Variants in SPATS2L observed in about 807,000 individuals in gnomAD.
SPATS2L encodes spermatogenesis associated serine rich 2 like, also known as SPATS2-like protein.
In SPATS2L, 30 loss-of-function variants were observed where a neutral mutation model predicts 59.6. The observed-to-expected ratio is 0.50, with a 90% confidence interval of 0.38 to 0.68. SPATS2L has a LOEUF of 0.68. Ranked by LOEUF, SPATS2L falls within the 30% of genes least tolerant of loss-of-function variation. The pLI is 0.00. For missense variants in SPATS2L, 615 were observed against 700.0 expected (o/e 0.88, Z 1.37); for synonymous variants, 252 against 263.5 (o/e 0.96, Z 0.42).
chr2:200,370,379 G>A (rs1009313576), intron 2 of SPATS2L, among the ~76,000 whole-genome samples: 6 of 152,188 alleles, frequency 3.9e-5, no homozygotes, highest in East Asian at 3.9e-4. Context: ...ACAATATCTC[G>A]GGGTTTCATT....
intron 2 of SPATS2L, among the ~76,000 whole-genome samples, chr2:200,337,691 A>G (rs2080187369): frequency 6.6e-6 from 1 of 152,190 alleles, no homozygotes; most frequent in Non-Finnish European, 1.5e-5. Context: ...GGGAGATGCA[A>G]TTTAAAACGT....
intron 4 of SPATS2L, among the ~76,000 whole-genome samples, 186 bp downstream of exon 4, chr2:200,412,605 C>A (rs1411043423): frequency 8.6e-4 from 108 of 126,100 alleles, no homozygotes; most frequent in South Asian, 1.3e-3. Context: ...GACCCCATCT[C>A]AAAAAAAAAA....
At chr2:200,431,470 G>A (rs937832178) in intron 6 of SPATS2L, among the ~76,000 whole-genome samples, 1 of 152,060 alleles carries the variant, frequency 6.6e-6, no homozygotes, top group Non-Finnish European at 1.5e-5. Flanking sequence ...TTCTTTATCA[G>A]TTTCTTCCAA....
intron 2 of SPATS2L, among the ~76,000 whole-genome samples, chr2:200,339,313 C>T (rs1231563313): frequency 1.3e-5 from 2 of 151,888 alleles, no homozygotes; most frequent in Non-Finnish European, 2.9e-5. Flanking sequence ...TCTTTATAAC[C>T]CTATAGCATG....
chr2:200,334,581 C>T (rs2080074403), intron 2 of SPATS2L, among the ~76,000 whole-genome samples: 1 of 151,692 alleles, frequency 6.6e-6, no homozygotes, highest in South Asian at 2.1e-4. Flanking sequence ...ACATGAAGTC[C>T]TTGCCCATGC....
At chr2:200,319,564 CAAAAAAAA>C (rs56210295) in intron 1 of SPATS2L, among the ~76,000 whole-genome samples, 1 of 51,004 alleles carries the variant, frequency 2.0e-5, no homozygotes, top group Non-Finnish European at 3.5e-5. Flanking sequence ...GACCCCACCT[CAAAAAAAA>C]AAAAAAAAAA....
intron 2 of SPATS2L, among the ~76,000 whole-genome samples, chr2:200,353,728 A>G (rs1419871961): frequency 6.6e-6 from 1 of 152,230 alleles, no homozygotes; most frequent in Non-Finnish European, 1.5e-5. Flanking sequence ...TCCTTGAGAA[A>G]TGAACACATA....
chr2:200,469,799 C>A (rs1228598959), intron 10 of SPATS2L, 115 bp from the exon 11 acceptor site: 4 of 746,576 alleles, frequency 5.4e-6, no homozygotes, highest in African/African-American at 3.5e-5. Flanking sequence ...CTGGAAAGAT[C>A]CCCACCAGGT....
At chr2:200,320,041 AGGCCAAAGATAG>A (rs1264585700) in intron 1 of SPATS2L, among the ~76,000 whole-genome samples, 2 of 152,212 alleles carry the variant, frequency 1.3e-5, no homozygotes, top group African/African-American at 4.8e-5. Context: ...TGACCAAGAC[AGGCCAAAGATAG>A]GGCCCTGTGA....
intron 6 of SPATS2L, among the ~76,000 whole-genome samples, chr2:200,424,150 A>C (rs2083425884): frequency 6.6e-6 from 1 of 152,158 alleles, no homozygotes; most frequent in Non-Finnish European, 1.5e-5. Flanking sequence ...AATCAAAATC[A>C]TCCTGGGCTC....
Position 200,443,725 on chromosome 2 carries a change from G to C in SPATS2L, c.788+2941G>C, listed in dbSNP as rs551696664. 3.3e-4 allele frequency among the ~76,000 whole-genome samples: 51 copies of C among 152,302 alleles called. 1 individual carries two copies. In the South Asian group the frequency reaches 0.01, roughly 30 times the overall value. ...GTGCCAGCATAAGGACCTGAGTCCT[G>C]CTTGACTAAACTCCCTGAAAAGTAC... On this transcript the variant is annotated intron_variant, in intron 8 of 12. Coordinates refer to ENST00000409140, the MANE Select transcript of SPATS2L (RefSeq NM_001100423.2).
intron 8 of SPATS2L, among the ~76,000 whole-genome samples, chr2:200,449,306 T>C (rs1193022179): frequency 6.6e-6 from 1 of 152,226 alleles, no homozygotes; most frequent in Admixed American, 6.5e-5. Flanking sequence ...AGTTTAGGTA[T>C]AGTCCCCAGG....
chr2:200,335,681 G>A (rs755523329), intron 2 of SPATS2L, among the ~76,000 whole-genome samples: 3 of 152,216 alleles, frequency 2.0e-5, no homozygotes, highest in Non-Finnish European at 2.9e-5. Flanking sequence ...AGAAGTGAAC[G>A]ACTGTGTCAC....
At chr2:200,352,231 C>T (rs1020196166) in intron 2 of SPATS2L, among the ~76,000 whole-genome samples, 17 of 150,462 alleles carry the variant, frequency 1.1e-4, no homozygotes, top group Non-Finnish European at 2.4e-4. Flanking sequence ...AGGGCATATA[C>T]TTAAAGACCA....
intron 4 of SPATS2L, among the ~76,000 whole-genome samples, chr2:200,414,750 C>T (rs777218561): frequency 4.6e-5 from 7 of 152,118 alleles, no homozygotes; most frequent in Non-Finnish European, 1.0e-4. Context: ...AACTCCAAGC[C>T]GTTTCAGTAT....
intron 1 of SPATS2L, among the ~76,000 whole-genome samples, chr2:200,317,877 C>T (rs757741589): frequency 6.6e-6 from 1 of 152,110 alleles, no homozygotes; most frequent in Admixed American, 6.5e-5. Flanking sequence ...AATTGGACAC[C>T]AGGGACAGAT....
Position 200,306,928 on chromosome 2 carries a change from C to T in SPATS2L, c.-73+6C>T, listed in dbSNP as rs74853338. On this transcript the variant is annotated splice_donor_region_variant and intron_variant, in intron 1 of 12. Coordinates refer to ENST00000409140, the MANE Select transcript of SPATS2L (RefSeq NM_001100423.2). ...AGCCGGCGCTCGACACAGAGGTAAG[C>T]CCAGGACCCCCTCCACGCCGGGCCG... 0.42 allele frequency: 414,122 copies of T among 981,396 alleles called. 89,871 individuals are homozygous for T. The highest frequency in any genetic ancestry group is 0.73 in the East Asian group (6,198 of 8,528). 60.8% of individuals were successfully genotyped at this position (981,396 alleles called of 1,614,324 possible).
chr2:200,377,665 A>G (rs1001968188), intron 2 of SPATS2L, among the ~76,000 whole-genome samples: 1 of 152,216 alleles, frequency 6.6e-6, no homozygotes, highest in Non-Finnish European at 1.5e-5. Context: ...TTTTGCCGTT[A>G]AACTGAATAA....
Position 200,477,895 on chromosome 2 carries a change from C to A in SPATS2L, c.1541C>A (p.Ala514Asp). Residue 514 changes from alanine to aspartate, a missense_variant, in exon 13 of 13, where the codon GCT becomes GAT. Around this residue, in one of 3 missense-constraint regions of SPATS2L, gnomAD observed 284 missense variants for 280.1 expected, o/e 1.01. Transcript: ENST00000409140. Reference protein sequence around the residue: ...HSEKPRRRQHAADTSEARPFR... With the variant: ...HSEKPRRRQHDADTSEARPFR... The stretch of plus-strand genomic sequence containing the variant: ...GAAAAGCCCCGGCGAAGGCAGCACG[C>A]TGCAGACACCTCGGAGGCCAGGCCC... 6.2e-7 allele frequency: 1 copy of A among 1,611,422 alleles called. No individual in the cohort carries two copies. Among genetic ancestry groups the A allele is most frequent in the African/African-American group, 1.3e-5 (1 of 75,008 alleles).
Sources: gnomAD v4.1 joint callset for allele counts (sites outside exome capture counted in the v4.1 genomes callset) on GRCh38, gnomAD v4.1.1 for gene constraint, gnomAD v4.1.1 regional missense constraint, MANE v1.5 for transcripts, NCBI Gene and HGNC (gene_info 2026-07-23, HGNC 2026-07-21) for gene names.